The following CMC1 variants were observed in gnomAD, a reference collection of about 807,000 sequenced individuals.
CMC1 encodes the protein C-X9-C motif containing 1.
A neutral mutation model predicts 14.1 loss-of-function variants in CMC1; 14 were observed. The observed-to-expected ratio is 0.99, with a 90% CI of 0.66 to 1.55. The LOEUF (loss-of-function observed/expected upper bound fraction) is 1.55, where lower values mean the gene tolerates loss of function less well. CMC1 is among the 40% of genes most tolerant of loss of function. The pLI is 0.00. For synonymous variants in CMC1, 50 were observed against 38.4 expected (o/e 1.30, Z -1.12); for missense variants, 127 against 123.8 (o/e 1.03, Z -0.12).
chr3:28,280,512 G>A (rs749842757), intron 2 of CMC1, among the ~76,000 whole-genome samples: 17 of 152,122 alleles, frequency 1.1e-4, no homozygotes, highest in Admixed American at 3.9e-4. Flanking sequence ...TTTTGGAAAA[G>A]CAGGTATTTA....
chr3:28,296,209 T>C (rs1364078685), intron 2 of CMC1, among the ~76,000 whole-genome samples: 1 of 152,108 alleles, frequency 6.6e-6, no homozygotes, highest in African/African-American at 2.4e-5. Context: ...TGAAAAAATG[T>C]AATGCTGAGA....
intron 2 of CMC1, among the ~76,000 whole-genome samples, chr3:28,307,366 A>C (rs1702378655): frequency 6.6e-6 from 1 of 152,154 alleles, no homozygotes; most frequent in Non-Finnish European, 1.5e-5. Context: ...TCTAGGAAAA[A>C]TAAATAAAAA....
intron 1 of CMC1, among the ~76,000 whole-genome samples, chr3:28,242,258 A>G (rs1045729137): frequency 2.0e-5 from 3 of 152,330 alleles, no homozygotes; most frequent in East Asian, 1.9e-4. Context: ...AGGATCCATC[A>G]CTATGGCAGG....
chr3:28,304,035 C>T (rs573032195), intron 2 of CMC1, among the ~76,000 whole-genome samples: 6 of 151,722 alleles, frequency 4.0e-5, no homozygotes, highest in African/African-American at 1.4e-4. Flanking sequence ...CACCTGTTTG[C>T]ATCTCACCTG....
intron 2 of CMC1, among the ~76,000 whole-genome samples, chr3:28,282,862 A>G (rs1296168612): frequency 2.0e-5 from 3 of 152,196 alleles, no homozygotes; most frequent in African/African-American, 7.2e-5. Flanking sequence ...CTAAGTTCAT[A>G]TTATTAGATA....
chr3:28,273,225 A>G (rs1010667190), intron 2 of CMC1, among the ~76,000 whole-genome samples: 1 of 152,192 alleles, frequency 6.6e-6, no homozygotes, highest in Non-Finnish European at 1.5e-5. Context: ...TGTTGTGAGC[A>G]CTTAGTGCTA....
At chr3:28,279,577 G>A (rs1225749435) in intron 2 of CMC1, among the ~76,000 whole-genome samples, 3 of 151,120 alleles carry the variant, frequency 2.0e-5, no homozygotes, top group East Asian at 1.9e-4. Context: ...GGGAAAATAT[G>A]TTTGCAATGA....
intron 2 of CMC1, among the ~76,000 whole-genome samples, chr3:28,270,042 C>T (rs1057095127): frequency 2.6e-5 from 4 of 152,132 alleles, no homozygotes; most frequent in Non-Finnish European, 5.9e-5. Context: ...TCTGTTCCTG[C>T]GTTAGTTCCT....
intron 2 of CMC1, 143 bp from the exon 3 acceptor site, chr3:28,316,190 T>C (rs1453945921): frequency 3.9e-6 from 2 of 515,814 alleles, no homozygotes; most frequent in Non-Finnish European, 6.8e-6. Context: ...TGTTCAAGGC[T>C]GCAGTGAGCT....
At chr3:28,294,133 G>A (rs926837068) in intron 2 of CMC1, among the ~76,000 whole-genome samples, 6 of 152,016 alleles carry the variant, frequency 3.9e-5, no homozygotes, top group African/African-American at 1.4e-4. Context: ...GCTGTAACAG[G>A]ATCATCTGTT....
At chr3:28,247,073 G>C (rs1165255746) in intron 1 of CMC1, among the ~76,000 whole-genome samples, 1 of 152,100 alleles carries the variant, frequency 6.6e-6, no homozygotes, top group African/African-American at 2.4e-5. Flanking sequence ...TTTGGCCAGA[G>C]TTCCCTTTAA....
chr3:28,246,898 G>C (rs1030625809), intron 1 of CMC1, among the ~76,000 whole-genome samples: 73 of 150,412 alleles, frequency 4.9e-4, no homozygotes, highest in African/African-American at 1.7e-3. Context: ...TTTACTAGAT[G>C]GTTGTTGACA....
chr3:28,254,729 A>G (rs1452248451), intron 1 of CMC1, among the ~76,000 whole-genome samples: 2 of 152,236 alleles, frequency 1.3e-5, no homozygotes, highest in Admixed American at 6.5e-5. Flanking sequence ...ATCAGGATGC[A>G]TTATGAATAA....
chr3:28,284,393 A>G (rs915570959), intron 2 of CMC1, among the ~76,000 whole-genome samples: 2 of 152,222 alleles, frequency 1.3e-5, no homozygotes, highest in African/African-American at 2.4e-5. Context: ...TTGGATCCTC[A>G]TCTCTCACAC....
chr3:28,286,417 A>C (rs1395240694), intron 2 of CMC1, among the ~76,000 whole-genome samples: 4 of 152,180 alleles, frequency 2.6e-5, no homozygotes. Flanking sequence ...TGTAAGTTTT[A>C]ACATGTCATT....
At chr3:28,285,859 T>C (rs146227804) in intron 2 of CMC1, among the ~76,000 whole-genome samples, 5 of 151,746 alleles carry the variant, frequency 3.3e-5, no homozygotes, top group African/African-American at 4.8e-5. Flanking sequence ...CTCTGCCTCC[T>C]GGGTTCACGC....
intron 1 of CMC1, among the ~76,000 whole-genome samples, chr3:28,260,351 G>A (rs1384335042): frequency 1.3e-5 from 2 of 151,912 alleles, no homozygotes; most frequent in African/African-American, 4.8e-5. Flanking sequence ...TCTTGAGTGA[G>A]CTTTGGTTGG....
intron 2 of CMC1, among the ~76,000 whole-genome samples, chr3:28,308,050 C>G (rs1330867385): frequency 6.6e-6 from 1 of 152,122 alleles, no homozygotes; most frequent in Admixed American, 6.5e-5. Flanking sequence ...CTTTTAAAGA[C>G]CCTTGTGATT....
At chr3:28,294,668 C>G (rs1701650495) in intron 2 of CMC1, 1 of 154,640 alleles carries the variant, frequency 6.5e-6, no homozygotes, top group African/African-American at 2.4e-5. Flanking sequence ...CCTAAATTTG[C>G]TGTATTTCAG....
Sources: gnomAD v4.1 joint callset for allele counts (sites outside exome capture counted in the v4.1 genomes callset) on GRCh38, gnomAD v4.1.1 for gene constraint, MANE v1.5 for transcripts, NCBI Gene and HGNC (gene_info 2026-07-23, HGNC 2026-07-21) for gene names.